The following INPP4B variants were observed in gnomAD, a reference collection of about 807,000 sequenced individuals.
INPP4B encodes inositol polyphosphate 4-phosphatase type II.
In INPP4B, 55 loss-of-function variants were observed where a neutral mutation model predicts 122.5. That is an observed-to-expected ratio of 0.45 (90% CI 0.36 to 0.56). INPP4B has a LOEUF of 0.56. Among genes scored for constraint, INPP4B ranks in the 20% least tolerant of loss-of-function variants. The pLI is 0.00. For missense variants in INPP4B, 1,000 were observed against 1,097.7 expected (o/e 0.91, Z 1.26); for synonymous variants, 403 against 388.7 (o/e 1.04, Z -0.43).
chr4:142,718,731 C>A (rs1764131158), intron 2 of INPP4B, among the ~76,000 whole-genome samples: 1 of 152,140 alleles, frequency 6.6e-6, no homozygotes, highest in Admixed American at 6.5e-5. Context: ...TGCCTCATCA[C>A]CTGTAAACAT....
intron 7 of INPP4B, among the ~76,000 whole-genome samples, chr4:142,321,525 T>A (rs1770016990): frequency 6.6e-6 from 1 of 152,192 alleles, no homozygotes; most frequent in Admixed American, 6.5e-5. Context: ...GAGAAGGGTT[T>A]TTCTAATGTT....
intron 7 of INPP4B, among the ~76,000 whole-genome samples, chr4:142,364,932 C>T (rs1786878898): frequency 6.6e-6 from 1 of 152,012 alleles, no homozygotes; most frequent in Non-Finnish European, 1.5e-5. Flanking sequence ...TTCTCCCCAC[C>T]TCGCCACACA....
At chr4:142,650,859 G>C (rs532269247) in intron 2 of INPP4B, among the ~76,000 whole-genome samples, 1 of 152,200 alleles carries the variant, frequency 6.6e-6, no homozygotes, top group South Asian at 2.1e-4. Flanking sequence ...CACAGCTCTG[G>C]ATCAAGCGGA....
At position 142,595,754 on chromosome 4, in the gene INPP4B, G is replaced by T. The variant is rs151261761; in HGVS notation, c.-191+130085C>A. On this transcript the variant is annotated intron_variant, in intron 2 of 25. Transcript: ENST00000262992. ...AATTTTGCTTTGCTCTTCACAGCAG[G>T]AGCTTTCCCTGCATTTTTGGTCACT... Among the ~76,000 whole-genome samples, 408 of 152,268 alleles carry T rather than the reference G, an allele frequency of 2.7e-3. 6 individuals are homozygous for T. The highest frequency in any genetic ancestry group is 0.018 in the East Asian group (95 of 5,184).
intron 23 of INPP4B, among the ~76,000 whole-genome samples, chr4:142,088,925 G>C (rs1174427304): frequency 1.3e-5 from 2 of 152,144 alleles, no homozygotes; most frequent in Non-Finnish European, 2.9e-5. Flanking sequence ...ACTCAGTAAA[G>C]ATTTGTGAAG....
chr4:142,226,662 G>A (rs1423454318), intron 12 of INPP4B, among the ~76,000 whole-genome samples: 1 of 152,136 alleles, frequency 6.6e-6, no homozygotes, highest in African/African-American at 2.4e-5. Context: ...AACGAAAAGA[G>A]TAAAGTTGTA....
chr4:142,119,711 G>C (rs148756679), intron 21 of INPP4B, among the ~76,000 whole-genome samples: 1 of 151,314 alleles, frequency 6.6e-6, no homozygotes, highest in African/African-American at 2.4e-5. Context: ...CGAGTTTATG[G>C]GTGCGGCACA....
chr4:142,532,497 C>T (rs190039245), intron 2 of INPP4B, among the ~76,000 whole-genome samples: 8 of 152,152 alleles, frequency 5.3e-5, no homozygotes, highest in Admixed American at 5.2e-4. Flanking sequence ...CCTGGCTTCC[C>T]TTTTTCATAG....
At chr4:142,560,168 C>A (rs1321320920) in intron 2 of INPP4B, among the ~76,000 whole-genome samples, 1 of 152,164 alleles carries the variant, frequency 6.6e-6, no homozygotes, top group East Asian at 1.9e-4. Context: ...ATAGTGAGAT[C>A]TAATCCTCAA....
intron 18 of INPP4B, among the ~76,000 whole-genome samples, chr4:142,126,917 T>C (rs1798865027): frequency 6.6e-6 from 1 of 152,164 alleles, no homozygotes; most frequent in South Asian, 2.1e-4. Context: ...ATGGGTAGAC[T>C]AATAGACACA....
chr4:142,243,176 T>C (rs974009016), intron 11 of INPP4B, among the ~76,000 whole-genome samples: 1 of 152,206 alleles, frequency 6.6e-6, no homozygotes, highest in Non-Finnish European at 1.5e-5. Flanking sequence ...CCCTTTATGT[T>C]CTTCCACAAA....
chr4:142,261,780 C>T (rs562486308), intron 10 of INPP4B, among the ~76,000 whole-genome samples: 1 of 152,202 alleles, frequency 6.6e-6, no homozygotes, highest in Non-Finnish European at 1.5e-5. Flanking sequence ...ATTCAAAACA[C>T]TGATTTAAAT....
intron 25 of INPP4B, among the ~76,000 whole-genome samples, chr4:142,061,903 T>C (rs1266562853): frequency 5.6e-3 from 14 of 2,490 alleles, no homozygotes; most frequent in African/African-American, 7.8e-3. Context: ...TATATATATA[T>C]ATATATATAT....
At chr4:142,379,990 C>T (rs540511402) in intron 7 of INPP4B, among the ~76,000 whole-genome samples, 3 of 152,268 alleles carry the variant, frequency 2.0e-5, no homozygotes, top group South Asian at 2.1e-4. Context: ...ACTTGAAAGT[C>T]GTAAGAATGA....
Position 142,024,120 on chromosome 4 carries a change from T to C in INPP4B, c.*4662A>G, listed in dbSNP as rs573781434. ...CAAATGCAAATTTCCATACATTAAC[T>C]CTACACATAATGGCTTGCAATATTT... On this transcript the variant is annotated 3_prime_UTR_variant, in exon 26 of 26. Transcript: ENST00000262992. The C allele has an allele frequency of 1.3e-5, 2 of 152,122 alleles. No individual in the cohort carries two copies. Among genetic ancestry groups the C allele is most frequent in the Non-Finnish European group, 2.9e-5 (2 of 68,004 alleles). The allele number at this position is 152,122 out of a possible 1,614,324, so 9.4% of individuals were successfully genotyped here.
intron 2 of INPP4B, among the ~76,000 whole-genome samples, chr4:142,524,437 T>C (rs1359844893): frequency 6.6e-6 from 1 of 152,098 alleles, no homozygotes; most frequent in African/African-American, 2.4e-5. Context: ...ATGTGTTTTT[T>C]GGCTGCATAA....
intron 1 of INPP4B, among the ~76,000 whole-genome samples, chr4:142,741,440 C>A (rs1054127262): frequency 1.3e-5 from 2 of 151,864 alleles, no homozygotes; most frequent in Admixed American, 6.6e-5. Context: ...GATATCTGCC[C>A]CCATGATCCA....
intron 1 of INPP4B, among the ~76,000 whole-genome samples, chr4:142,733,852 A>C (rs1766438096): frequency 6.6e-6 from 1 of 152,226 alleles, no homozygotes; most frequent in Non-Finnish European, 1.5e-5. Flanking sequence ...AAATTTCCAT[A>C]AACAGTAAAG....
At chr4:142,114,991 G>A (rs12500731) in intron 21 of INPP4B, among the ~76,000 whole-genome samples, 19,251 of 151,920 alleles carry the variant, frequency 0.13, 1,401 homozygotes, top group East Asian at 0.24. Flanking sequence ...TGAAAACCAC[G>A]GCACAAGAAC....
Sources: allele counts gnomAD v4.1 joint callset (sites outside exome capture counted in the v4.1 genomes callset), GRCh38; gene constraint gnomAD v4.1.1; transcripts MANE v1.5; gene names NCBI Gene and HGNC (gene_info 2026-07-23, HGNC 2026-07-21).